SFMBT2: variants seen among roughly 807,000 people sequenced by gnomAD.
SFMBT2 encodes the protein scm-like with four MBT domains protein 2.
Under a neutral mutation model 110.1 loss-of-function variants are expected in SFMBT2, and 38 were observed. The ratio of observed to expected loss-of-function variants is 0.35; its 90% CI spans 0.27 to 0.45. The LOEUF (loss-of-function observed/expected upper bound fraction) is 0.45, where lower values mean the gene tolerates loss of function less well. SFMBT2 is among the 20% of genes least tolerant of loss of function. The probability of loss-of-function intolerance (pLI) is 1.00; values close to 1 mark genes in which losing one functional copy is unlikely to be tolerated. For missense variants in SFMBT2, 1,011 were observed against 1,094.9 expected (o/e 0.92, Z 1.08); for synonymous variants, 425 against 425.4 (o/e 1.00, Z 0.01).
At chr10:7,189,737 G>A (rs1269687899) in intron 15 of SFMBT2, among the ~76,000 whole-genome samples, 1 of 152,260 alleles carries the variant, frequency 6.6e-6, no homozygotes, top group Non-Finnish European at 1.5e-5. Context: ...TCCGGGTGCG[G>A]AAGTTGGAAG....
intron 14 of SFMBT2, among the ~76,000 whole-genome samples, chr10:7,199,862 A>G (rs1838896135): frequency 1.3e-5 from 2 of 152,236 alleles, no homozygotes; most frequent in Non-Finnish European, 2.9e-5. Context: ...ATGTACAAAC[A>G]TGTCTATTAC....
intron 20 of SFMBT2, among the ~76,000 whole-genome samples, chr10:7,167,752 C>T (rs1286663108): frequency 6.6e-6 from 1 of 152,172 alleles, no homozygotes; most frequent in Non-Finnish European, 1.5e-5. Context: ...TTTATTCCAA[C>T]AGGTGAACTT....
chr10:7,326,344 G>C (rs1843383530), intron 4 of SFMBT2, among the ~76,000 whole-genome samples: 6 of 152,146 alleles, frequency 3.9e-5, no homozygotes, highest in Admixed American at 3.9e-4. Flanking sequence ...TCATTGTATG[G>C]GGCTCTTCCA....
rs1343954983 is a variant in SFMBT2 at position 7,370,379 on chromosome 10, T to C, written c.101-4A>G. On this transcript the variant is annotated splice_polypyrimidine_tract_variant and splice_region_variant and intron_variant, in intron 2 of 20. Coordinates refer to ENST00000397167, the MANE Select transcript of SFMBT2 (RefSeq NM_001387889.1). ...TCCTCCAAGCTTGAGCCTTCTTCTG[T>C]TGAAAAACAAAAGAACAGAATATCA... 1.2e-6 allele frequency: 2 copies of C among 1,613,100 alleles called. No individual in the cohort carries two copies. Among genetic ancestry groups the C allele is most frequent in the Admixed American group, 1.7e-5 (1 of 59,986 alleles).
intron 4 of SFMBT2, among the ~76,000 whole-genome samples, chr10:7,286,960 GA>G (rs1054320164): frequency 9.3e-5 from 14 of 151,240 alleles, no homozygotes; most frequent in African/African-American, 2.7e-4. Flanking sequence ...TGAATGGAAA[GA>G]AAAGAGTCTA....
intron 4 of SFMBT2, among the ~76,000 whole-genome samples, chr10:7,314,818 G>A (rs563179045): frequency 2.0e-5 from 3 of 151,922 alleles, no homozygotes; most frequent in Non-Finnish European, 2.9e-5. Context: ...TGAGGCAAGA[G>A]AACCTTTTGA....
chr10:7,303,448 T>C, intron 4 of SFMBT2, among the ~76,000 whole-genome samples: 1 of 152,132 alleles, frequency 6.6e-6, no homozygotes, highest in East Asian at 1.9e-4. Context: ...TTTGCAACCA[T>C]TATTCTTTCC....
At chr10:7,238,965 A>G (rs1249117953) in intron 9 of SFMBT2, among the ~76,000 whole-genome samples, 1 of 152,226 alleles carries the variant, frequency 6.6e-6, no homozygotes, top group African/African-American at 2.4e-5. Flanking sequence ...AAAATCTCCA[A>G]CATTCTAACT....
chr10:7,212,199 A>T (rs1471733390), intron 11 of SFMBT2, among the ~76,000 whole-genome samples: 2 of 152,220 alleles, frequency 1.3e-5, no homozygotes, highest in Non-Finnish European at 2.9e-5. Context: ...AGTCATAGAG[A>T]CAAACCAGTC....
chr10:7,299,275 A>G (rs1347872790), intron 4 of SFMBT2, among the ~76,000 whole-genome samples: 2 of 152,240 alleles, frequency 1.3e-5, no homozygotes, highest in Non-Finnish European at 2.9e-5. Context: ...ACAGCAAAAT[A>G]AACTATCATA....
chr10:7,335,100 T>A (rs755663975), intron 4 of SFMBT2, among the ~76,000 whole-genome samples: 1 of 152,112 alleles, frequency 6.6e-6, no homozygotes, highest in Non-Finnish European at 1.5e-5. Context: ...AGTGGTCAAA[T>A]TCATAGAAAG....
At chr10:7,257,606 G>A (rs1841068137) in intron 7 of SFMBT2, among the ~76,000 whole-genome samples, 1 of 152,158 alleles carries the variant, frequency 6.6e-6, no homozygotes, top group Non-Finnish European at 1.5e-5. Context: ...AGAGAGACAG[G>A]AGAAAGAGAA....
At chr10:7,269,087 G>A (rs1841489192) in intron 7 of SFMBT2, among the ~76,000 whole-genome samples, 1 of 152,104 alleles carries the variant, frequency 6.6e-6, no homozygotes, top group Admixed American at 6.6e-5. Flanking sequence ...ATAAAATGAG[G>A]CTTTTAATGT....
At chr10:7,248,483 G>C in intron 8 of SFMBT2, 65 bp downstream of exon 8, 1 of 1,336,096 alleles carries the variant, frequency 7.5e-7, no homozygotes, top group Non-Finnish European at 1.1e-6. Flanking sequence ...GGTCGTCTTT[G>C]AGTTGAAAGG....
intron 1 of SFMBT2, among the ~76,000 whole-genome samples, chr10:7,398,424 T>A (rs1845985041): frequency 6.6e-6 from 1 of 152,356 alleles, no homozygotes; most frequent in East Asian, 1.9e-4. Flanking sequence ...CAACAAATTA[T>A]TTATTTACTA....
At chr10:7,233,863 G>T (rs1030787417) in intron 9 of SFMBT2, among the ~76,000 whole-genome samples, 3 of 152,196 alleles carry the variant, frequency 2.0e-5, no homozygotes, top group African/African-American at 7.2e-5. Flanking sequence ...TGGCAGGGAG[G>T]CAAGATTGCA....
At chr10:7,168,626 T>C (rs555778515) in intron 20 of SFMBT2, among the ~76,000 whole-genome samples, 1 of 152,324 alleles carries the variant, frequency 6.6e-6, no homozygotes, top group South Asian at 2.1e-4. Flanking sequence ...AACGCTTATC[T>C]CGCCGCAGCA....
intron 9 of SFMBT2, among the ~76,000 whole-genome samples, chr10:7,235,916 G>T (rs35761502): frequency 0.24 from 36,769 of 151,822 alleles, 4,808 homozygotes; most frequent in South Asian, 0.38. Context: ...TTATATCCAC[G>T]AAAGGAAATA....
chr10:7,318,532 G>A (rs1843080799), intron 4 of SFMBT2, among the ~76,000 whole-genome samples: 1 of 152,184 alleles, frequency 6.6e-6, no homozygotes, highest in Non-Finnish European at 1.5e-5. Context: ...CTTATGACTT[G>A]AATGAGTGAA....
Sources: allele counts gnomAD v4.1 joint callset (sites outside exome capture counted in the v4.1 genomes callset), GRCh38; gene constraint gnomAD v4.1.1; transcripts MANE v1.5; gene names NCBI Gene and HGNC (gene_info 2026-07-23, HGNC 2026-07-21).